Variants in GRIN2A observed in about 807,000 individuals in gnomAD.
GRIN2A encodes the protein glutamate receptor ionotropic, NMDA 2A.
In GRIN2A, 22 loss-of-function variants were observed where a neutral mutation model predicts 113.4. The observed-to-expected ratio is 0.19, with a 90% CI of 0.14 to 0.28. GRIN2A has a LOEUF of 0.28. Ranked by LOEUF, GRIN2A falls within the 10% of genes least tolerant of loss-of-function variation. The pLI is 1.00. For synonymous variants in GRIN2A, 827 were observed against 738.4 expected (o/e 1.12, Z -1.94); for missense variants, 1,502 against 1,887.0 (o/e 0.80, Z 3.78).
intron 2 of GRIN2A, among the ~76,000 whole-genome samples, chr16:10,044,802 G>A (rs1464235318): frequency 1.3e-5 from 2 of 151,932 alleles, no homozygotes; most frequent in Non-Finnish European, 2.9e-5. Flanking sequence ...CTTTTAGACT[G>A]TAAGTTACCA....
chr16:10,118,790 G>C (rs2048776360), intron 2 of GRIN2A, among the ~76,000 whole-genome samples: 1 of 152,206 alleles, frequency 6.6e-6, no homozygotes, highest in African/African-American at 2.4e-5. Flanking sequence ...ACCAGAGACT[G>C]TCACAGAATT....
chr16:9,893,489 C>T (rs965762587), intron 3 of GRIN2A, among the ~76,000 whole-genome samples: 3 of 152,004 alleles, frequency 2.0e-5, no homozygotes, highest in African/African-American at 4.8e-5. Flanking sequence ...TTTTTTAAGA[C>T]GGAGTCTCAC....
intron 2 of GRIN2A, among the ~76,000 whole-genome samples, chr16:10,072,274 C>T (rs2047768372): frequency 6.6e-6 from 1 of 152,178 alleles, no homozygotes; most frequent in African/African-American, 2.4e-5. Flanking sequence ...CTGTACCTTC[C>T]ATTTGCAGCA....
rs1254977479 is a variant in GRIN2A, at chr16:9,754,143, A to T, written c.*9006T>A. ...CTCACCTTATTCTTTCTGAACATTC[A>T]GCTTGAAATATATATACTATACATA... is the stretch of plus-strand genomic sequence containing the variant. On this transcript the variant is annotated 3_prime_UTR_variant, in exon 13 of 13. Transcript: ENST00000330684. 1.6e-5 allele frequency: 3 copies of T among 185,596 alleles called. No homozygotes were observed. The highest frequency in any genetic ancestry group is 3.4e-5 in the Non-Finnish European group (3 of 87,730). 11.5% of individuals were successfully genotyped at this position (185,596 alleles called of 1,614,324 possible).
At chr16:10,093,374 C>T (rs914747040) in intron 2 of GRIN2A, among the ~76,000 whole-genome samples, 10 of 152,160 alleles carry the variant, frequency 6.6e-5, no homozygotes, top group African/African-American at 2.4e-4. Flanking sequence ...TCCTGCTTCT[C>T]ATCAGGCCTC....
rs1268346603 is a variant in GRIN2A at position 9,764,245 on chromosome 16, T to A, written c.3299A>T (p.Glu1100Val). The change falls in exon 13 of 13, where the codon GAG (glutamate) becomes GTG (valine). Residue 1100 changes from glutamate to valine, a missense_variant. By Grantham distance (121) the Glu-to-Val change is moderately radical (BLOSUM62 -2). Coordinates refer to ENST00000330684, the MANE Select transcript of GRIN2A (RefSeq NM_001134407.3). Reference protein sequence around the residue: ...VASKYPKDCSEVERTYLKTKS... With the variant: ...VASKYPKDCSVVERTYLKTKS... The stretch of plus-strand genomic sequence containing the variant: ...GGTTTTCAGGTAGGTGCGCTCGACC[T>A]CACTACAGTCCTTGGGGTATTTGGA... 6.2e-7 allele frequency: 1 copy of A among 1,614,088 alleles called. No homozygotes were observed. The highest frequency in any genetic ancestry group is 2.2e-5 in the East Asian group (1 of 44,864).
intron 3 of GRIN2A, among the ~76,000 whole-genome samples, chr16:9,911,945 T>A (rs1475286669): frequency 2.0e-5 from 3 of 152,206 alleles, no homozygotes; most frequent in Admixed American, 2.0e-4. Context: ...CTGGGCAAGC[T>A]ATTCACTCTG....
intron 7 of GRIN2A, among the ~76,000 whole-genome samples, chr16:9,836,846 A>G (rs770625569): frequency 2.2e-4 from 33 of 152,222 alleles, no homozygotes; most frequent in Non-Finnish European, 4.3e-4. Context: ...ACATTTGTCC[A>G]TGAAGGAACT....
chr16:10,114,238 A>G (rs1362737090), intron 2 of GRIN2A, among the ~76,000 whole-genome samples: 1 of 152,186 alleles, frequency 6.6e-6, no homozygotes, highest in East Asian at 1.9e-4. Flanking sequence ...AATCCTTCAT[A>G]AAACCACACA....
rs1043803556 is a variant in GRIN2A at position 9,952,778 on chromosome 16, G to A, written c.415-14227C>T. 1.7e-4 allele frequency among the ~76,000 whole-genome samples: 26 copies of A among 151,926 alleles called. 1 individual carries two copies. Among genetic ancestry groups the A allele is most frequent in the African/African-American group, 4.6e-4 (19 of 41,322 alleles). Reference sequence around the variant, plus strand: ...ACTCAATGCTTATATCTGTGGGATTGGATTAAAGACATTCAAATAATTATT... The same window carrying A: ...ACTCAATGCTTATATCTGTGGGATTAGATTAAAGACATTCAAATAATTATT... On this transcript the variant is annotated intron_variant, in intron 2 of 12. Coordinates refer to ENST00000330684, the MANE Select transcript of GRIN2A (RefSeq NM_001134407.3).
chr16:10,088,449 G>C (rs1246684285), intron 2 of GRIN2A, among the ~76,000 whole-genome samples: 6 of 152,166 alleles, frequency 3.9e-5, no homozygotes, highest in Admixed American at 3.9e-4. Context: ...CTGTGCTCAG[G>C]GCTGTGAGTG....
chr16:10,159,242 G>T (rs535017509), intron 2 of GRIN2A, among the ~76,000 whole-genome samples: 1 of 152,160 alleles, frequency 6.6e-6, no homozygotes, highest in Non-Finnish European at 1.5e-5. Context: ...AGCAAGGAAG[G>T]CTTGGACAAC....
At chr16:9,769,136 C>A (rs1901103042) in intron 11 of GRIN2A, 47 bp from the exon 12 acceptor site, 1 of 1,420,246 alleles carries the variant, frequency 7.0e-7, no homozygotes. Context: ...AGAACATGCA[C>A]TTTGGGGCAG....
intron 2 of GRIN2A, among the ~76,000 whole-genome samples, chr16:10,013,117 T>C (rs1324348779): frequency 2.0e-5 from 3 of 152,182 alleles, no homozygotes; most frequent in African/African-American, 4.8e-5. Context: ...TTTACCTATG[T>C]AACAAACCTT....
At chr16:10,079,132 A>T (rs2047933125) in intron 2 of GRIN2A, among the ~76,000 whole-genome samples, 1 of 152,224 alleles carries the variant, frequency 6.6e-6, no homozygotes, top group South Asian at 2.1e-4. Context: ...GGTGTCAGGC[A>T]CCATCTTAGC....
chr16:10,169,571 G>T (rs1343371037), intron 2 of GRIN2A, among the ~76,000 whole-genome samples: 2 of 152,172 alleles, frequency 1.3e-5, no homozygotes, highest in Non-Finnish European at 2.9e-5. Context: ...GTGAAGGTGT[G>T]ATGGCTGGAA....
intron 2 of GRIN2A, among the ~76,000 whole-genome samples, chr16:10,058,396 T>C (rs1406638843): frequency 1.3e-5 from 2 of 152,264 alleles, no homozygotes; most frequent in East Asian, 1.9e-4. Context: ...ACTTGTGTTA[T>C]GTTTATGTCG....
At chr16:10,112,299 G>T in intron 2 of GRIN2A, 1 of 645,542 alleles carries the variant, frequency 1.5e-6, no homozygotes, top group South Asian at 1.7e-5. Flanking sequence ...GGTGACAGCA[G>T]CCCAGGCTAA....
chr16:9,897,987 G>C (rs2043839904), intron 3 of GRIN2A, among the ~76,000 whole-genome samples: 2 of 151,332 alleles, frequency 1.3e-5, no homozygotes, highest in South Asian at 4.2e-4. Flanking sequence ...AAAGAGAATA[G>C]GCTTTACAGT....
Sources: gnomAD v4.1 joint callset for allele counts (sites outside exome capture counted in the v4.1 genomes callset) on GRCh38, gnomAD v4.1.1 for gene constraint, MANE v1.5 for transcripts, NCBI Gene and HGNC (gene_info 2026-07-23, HGNC 2026-07-21) for gene names.